The following C16orf96 variants were observed in gnomAD, a reference collection of about 807,000 sequenced individuals.
C16orf96 encodes chromosome 16 open reading frame 96.
C16orf96 carries 108 observed loss-of-function variants against 103.6 expected under a neutral mutation model. The ratio of observed to expected loss-of-function variants is 1.04; its 90% CI spans 0.89 to 1.22. The LOEUF is 1.22. Among genes scored for constraint, C16orf96 ranks in the 50% most tolerant of loss-of-function variants. The pLI, the probability that C16orf96 is intolerant of heterozygous loss-of-function variation, is 0.00. For missense variants in C16orf96, 1,586 were observed against 1,464.2 expected (o/e 1.08, Z -1.36); for synonymous variants, 566 against 593.5 (o/e 0.95, Z 0.67).
At chr16:4,548,076 G>T in the C16orf96 span, among the ~76,000 whole-genome samples, 2 of 152,286 alleles carry the variant, frequency 1.3e-5, no homozygotes, top group African/African-American at 4.8e-5. Flanking sequence ...TAATAAAGCT[G>T]TTATCAGAAA....
the C16orf96 span, among the ~76,000 whole-genome samples, chr16:4,543,196 A>T: frequency 6.6e-6 from 1 of 152,246 alleles, no homozygotes; most frequent in South Asian, 2.1e-4. Context: ...GGCTTGAAGG[A>T]TGTGTAGGAT....
At chr16:4,545,783 C>G in the C16orf96 span, among the ~76,000 whole-genome samples, 8 of 152,150 alleles carry the variant, frequency 5.3e-5, no homozygotes, top group Non-Finnish European at 1.2e-4. Context: ...TCCCCTATTG[C>G]AATAGTCCTG....
the C16orf96 span, among the ~76,000 whole-genome samples, chr16:4,545,522 T>G: frequency 9.2e-5 from 14 of 152,288 alleles, no homozygotes; most frequent in East Asian, 2.7e-3. Flanking sequence ...TTCTGTTAAA[T>G]TGATTTAGCC....
At chr16:4,558,137 A>G (rs1020579680) in intron 1 of C16orf96, among the ~76,000 whole-genome samples, 6 of 152,304 alleles carry the variant, frequency 3.9e-5, no homozygotes, top group Admixed American at 2.6e-4. Context: ...CTTCTGCCTT[A>G]CAGAAGAGGA....
chr16:4,598,371 AG>A (rs1342983984), intron 14 of C16orf96, among the ~76,000 whole-genome samples: 109 of 25,826 alleles, frequency 4.2e-3, no homozygotes, highest in Admixed American at 0.036. Context: ...GAAAGAAAAA[AG>A]AAAAGAAATG....
intron 14 of C16orf96, among the ~76,000 whole-genome samples, chr16:4,598,519 A>G (rs6500621): frequency 0.96 from 145,917 of 152,148 alleles, 70,221 homozygotes; most frequent in East Asian, 1. Flanking sequence ...TCAGAACAAG[A>G]TAGTGGTGGT....
At chr16:4,557,822 A>G (rs1384272927) in intron 1 of C16orf96, among the ~76,000 whole-genome samples, 3 of 152,004 alleles carry the variant, frequency 2.0e-5, no homozygotes, top group Non-Finnish European at 4.4e-5. Context: ...GGTGTGCACC[A>G]CTGCACCTGG....
rs73515060 is a variant in C16orf96 at position 4,593,467 on chromosome 16, G to A, written c.2867+151G>A. ...CAGCCCTTCGCAAGACAGGCACTCC[G>A]AGAGGTGGCTGGGGCGGCAGACAGG... On this transcript the variant is annotated intron_variant, in intron 12 of 15. Transcript: ENST00000444310. The surrounding 1 kb of genome is among the most constrained non-coding windows in gnomAD (Gnocchi z 4.2). Among the ~76,000 whole-genome samples, 791 of 151,626 alleles carry A rather than the reference G, an allele frequency of 5.2e-3. 13 individuals carry two copies. The highest frequency in any genetic ancestry group is 0.018 in the African/African-American group (755 of 41,296).
At chr16:4,543,879 T>C in the C16orf96 span, among the ~76,000 whole-genome samples, 1 of 152,124 alleles carries the variant, frequency 6.6e-6, no homozygotes, top group African/African-American at 2.4e-5. Flanking sequence ...TGACTTCAAG[T>C]GATCCTCCCA....
intron 1 of C16orf96, among the ~76,000 whole-genome samples, chr16:4,566,260 G>C (rs1481932248): frequency 2.0e-5 from 3 of 152,198 alleles, no homozygotes; most frequent in Non-Finnish European, 2.9e-5. Flanking sequence ...CTGCCACACT[G>C]ACTTCTAAAA....
rs555875576 is a variant in C16orf96 at position 4,593,885 on chromosome 16, C to T, written c.2868-466C>T. ...TCAGGTTTCCACCGCACCCAGCTGG[C>T]TCCCTGGGTGCCAGCCCCACCCCTC... On this transcript the variant is annotated intron_variant, in intron 12 of 15. Coordinates refer to ENST00000444310, the MANE Select transcript of C16orf96 (RefSeq NM_001145011.2). The surrounding 1 kb of genome is among the most constrained non-coding windows in gnomAD (Gnocchi z 4.2). 6.6e-6 allele frequency among the ~76,000 whole-genome samples: 1 copy of T among 152,294 alleles called. No homozygotes were observed. The highest frequency in any genetic ancestry group is 1.9e-4 in the East Asian group (1 of 5,168).
At chr16:4,564,789 C>G (rs147348627) in intron 1 of C16orf96, among the ~76,000 whole-genome samples, 1 of 152,128 alleles carries the variant, frequency 6.6e-6, no homozygotes, top group Admixed American at 6.6e-5. Flanking sequence ...CCAGCCTGAG[C>G]GACAGAGCAA....
At chr16:4,563,249 C>T (rs2059351428) in intron 1 of C16orf96, 1 of 458,754 alleles carries the variant, frequency 2.2e-6, no homozygotes, top group South Asian at 2.0e-5. Flanking sequence ...TCATGACTGA[C>T]TCGTTTGTTT....
chr16:4,545,920 G>C, the C16orf96 span, among the ~76,000 whole-genome samples: 1 of 152,034 alleles, frequency 6.6e-6, no homozygotes, highest in African/African-American at 2.4e-5. Context: ...CGCGATCTCA[G>C]CTCACCACAA....
chr16:4,547,237 C>G, the C16orf96 span, among the ~76,000 whole-genome samples: 4 of 152,166 alleles, frequency 2.6e-5, no homozygotes, highest in African/African-American at 9.7e-5. Context: ...CAGGTTCAAG[C>G]GATTCTCCTG....
upstream of C16orf96, among the ~76,000 whole-genome samples, chr16:4,555,478 A>G (rs537234932): frequency 6.6e-6 from 1 of 151,326 alleles, no homozygotes; most frequent in South Asian, 2.1e-4. Context: ...GATTTAAGCA[A>G]TTCTCTGCCT....
chr16:4,580,166 G>C (rs1300361674), intron 7 of C16orf96, 41 bp downstream of exon 7: 1 of 1,422,020 alleles, frequency 7.0e-7, no homozygotes, highest in Non-Finnish European at 9.4e-7. Context: ...CTGGCAAAGG[G>C]AGAATTCCTC....
In C16orf96 at chr16:4,575,368, A is replaced by C; in HGVS notation, c.888A>C (p.Gln296His). The C allele has an allele frequency of 1.9e-6, 3 of 1,551,140 alleles. No homozygotes were observed. The highest frequency in any genetic ancestry group is 2.6e-6 in the Non-Finnish European group (3 of 1,146,992). ...PELLPEGSSA[Q>H]AVSLSRAQEP... is the part of the protein sequence containing the mutation. The stretch of plus-strand genomic sequence containing the variant: ...TCCTCCCGGAGGGCTCATCTGCCCA[A>C]GCAGTTTCACTCAGCAGAGCCCAGG... Residue 296 changes from glutamine to histidine, a missense_variant, in exon 5 of 16, where the codon CAA (glutamine) becomes CAC (histidine). Gln to His is a conservative substitution (Grantham distance 24). Transcript: ENST00000444310.
the C16orf96 span, among the ~76,000 whole-genome samples, chr16:4,544,408 C>G: frequency 1.3e-5 from 2 of 152,126 alleles, no homozygotes; most frequent in Non-Finnish European, 2.9e-5. Context: ...GAATTTGAGA[C>G]CAACCTGGGC....
Sources: gnomAD v4.1 joint callset for allele counts (sites outside exome capture counted in the v4.1 genomes callset) on GRCh38, gnomAD v4.1.1 for gene constraint, Gnocchi (gnomAD v3.1) non-coding constraint, MANE v1.5 for transcripts, NCBI Gene and HGNC (gene_info 2026-07-23, HGNC 2026-07-21) for gene names.